The following SETD4 variants were observed in gnomAD, a reference collection of about 807,000 sequenced individuals.
SETD4 encodes SET domain containing 4.
Under a neutral mutation model 58.3 loss-of-function variants are expected in SETD4, and 46 were observed. The ratio of observed to expected loss-of-function variants is 0.79; its 90% confidence interval spans 0.62 to 1.01. The LOEUF (loss-of-function observed/expected upper bound fraction) is 1.01. Among genes scored for constraint, SETD4 ranks in the 50% least tolerant of loss-of-function variants. SETD4 has a pLI of 0.00. For missense variants in SETD4, 490 were observed against 523.3 expected (o/e 0.94, Z 0.62); for synonymous variants, 190 against 202.6 (o/e 0.94, Z 0.53).
At chr21:36,046,109 C>G in intron 5 of SETD4, 98 bp from the exon 6 acceptor site, 6 of 1,255,656 alleles carry the variant, frequency 4.8e-6, no homozygotes, top group Non-Finnish European at 6.6e-6. Flanking sequence ...TGTGTTCAAA[C>G]TGTCAACACA....
Position 36,058,856 on chromosome 21 carries a change from G to A in SETD4, c.33C>T (p.Ile11=). 6.2e-7 allele frequency: 1 copy of A among 1,602,742 alleles called. No homozygotes were observed. The highest frequency in any genetic ancestry group is 1.1e-5 in the South Asian group (1 of 87,290). Residue 11 remains isoleucine (I), a synonymous_variant, in exon 2 of 12, where the codon ATC becomes ATT. Transcript: ENST00000332131. MQKGKGRTSR[I]RRRKLCGSSE... is the part of the protein sequence containing the mutation. The stretch of plus-strand genomic sequence containing the variant: ...AACTTCCGCAGAGTTTTCGTCTTCT[G>A]ATCCGGCTTGTTCTCCCTTTTCCTT...
intron 8 of SETD4, 82 bp from the exon 9 acceptor site, chr21:36,040,737 C>A (rs1463063616): frequency 7.9e-7 from 1 of 1,263,462 alleles, no homozygotes; most frequent in Non-Finnish European, 1.2e-6. Flanking sequence ...GAGCCAAACA[C>A]CTTTTTAAAG....
Position 36,034,614 on chromosome 21 carries a change from TC to T in SETD4, c.*1378del, listed in dbSNP as rs1304705087. 5 of 152,124 alleles carry T rather than the reference TC, an allele frequency of 3.3e-5. No homozygotes were observed. The highest frequency in any genetic ancestry group is 4.8e-5 in the African/African-American group (2 of 41,398). 9.4% of individuals were successfully genotyped at this position (152,124 alleles called of 1,614,324 possible). ...GTGAAAAGGAATTAACATATTTAGGTCCACTCATAGGGAAGAGGAAAAAGAA... is the reference window on the plus strand; with the variant it reads ...GTGAAAAGGAATTAACATATTTAGGTCACTCATAGGGAAGAGGAAAAAGAA... On this transcript the variant is annotated 3_prime_UTR_variant, in exon 12 of 12. Coordinates refer to ENST00000332131, the MANE Select transcript of SETD4 (RefSeq NM_017438.5).
At chr21:36,050,890 G>T in intron 4 of SETD4, 1 of 1,610,748 alleles carries the variant, frequency 6.2e-7, no homozygotes, top group Admixed American at 1.7e-5. Flanking sequence ...ACAGATGGGA[G>T]AATGCAAAGC....
rs543692362 is a variant in SETD4 at position 36,051,248 on chromosome 21, A to C, written c.207+2335T>G. ...CAGCCAGCACTGCTGTTGACAACAT[A>C]AGTGCAAGTTCCAGCTCTGTTGACA... On this transcript the variant is annotated intron_variant, in intron 4 of 11. Transcript: ENST00000332131. 12 of 1,602,122 alleles carry C rather than the reference A, an allele frequency of 7.5e-6. No homozygotes were observed. In the East Asian group the frequency reaches 2.5e-4, roughly 33 times the overall value.
At chr21:36,050,728 C>A in intron 4 of SETD4, 1 of 1,612,468 alleles carries the variant, frequency 6.2e-7, no homozygotes, top group African/African-American at 1.3e-5. Context: ...GTTTTCTTGG[C>A]TCGAGATAAG....
Position 36,045,698 on chromosome 21 carries a change from C to G in SETD4, c.610G>C (p.Val204Leu), listed in dbSNP as rs751127123. ...YSALLWAWCT[V>L]NTRAVYLRPR... ...CTCAGGTACACGGCTCTGGTGTTGA[C>G]GGTGCACCAAGCCCACAGCAGGGCA... The change falls in exon 6 of 12, where the codon GTC (valine) becomes CTC (leucine). Residue 204 changes from valine (V) to leucine (L), a missense_variant. Val to Leu is a conservative substitution (Grantham distance 32). Coordinates refer to ENST00000332131, the MANE Select transcript of SETD4 (RefSeq NM_017438.5). The G allele has an allele frequency of 6.2e-7, 1 of 1,614,170 alleles. No homozygotes were observed. The highest frequency in any genetic ancestry group is 8.5e-7 in the Non-Finnish European group (1 of 1,180,020).
intron 7 of SETD4, chr21:36,043,564 A>G (rs1304458325): frequency 7.2e-7 from 1 of 1,384,046 alleles, no homozygotes; most frequent in East Asian, 2.7e-5. Flanking sequence ...ACCCAATGCA[A>G]TGAAAACTTC....
At chr21:36,057,732 T>TA (rs2065058018) in intron 2 of SETD4, among the ~76,000 whole-genome samples, 1 of 152,196 alleles carries the variant, frequency 6.6e-6, no homozygotes, top group African/African-American at 2.4e-5. Flanking sequence ...GTAATCAAAT[T>TA]AGTGTGATAT....
intron 9 of SETD4, among the ~76,000 whole-genome samples, chr21:36,039,091 A>C (rs2063920753): frequency 6.6e-6 from 1 of 152,188 alleles, no homozygotes. Flanking sequence ...ATAGTCTCAG[A>C]AGGCTTCAGT....
intron 5 of SETD4, among the ~76,000 whole-genome samples, chr21:36,046,556 G>C (rs905816195): frequency 2.1e-4 from 32 of 152,298 alleles, no homozygotes; most frequent in African/African-American, 7.5e-4. Flanking sequence ...AGAGCTAGTG[G>C]CCACCATACT....
rs906197061 is a variant in SETD4, at chr21:36,038,081, A to C, written c.1188+69T>G. On this transcript the variant is annotated intron_variant, in intron 10 of 11. Transcript: ENST00000332131. ...TCTTATGAAATGCACTATCCCTAAT[A>C]ACATGTACAAAACAAGGAACTGCTG... 4.6e-6 allele frequency: 7 copies of C among 1,526,822 alleles called. No homozygotes were observed. In the African/African-American group the frequency reaches 8.3e-5, roughly 18 times the overall value. 94.6% of individuals were successfully genotyped at this position (1,526,822 alleles called of 1,614,324 possible).
chr21:36,040,443 A>G lies in SETD4; in HGVS notation c.1064+132T>C, dbSNP rs891270511. ...GGGCAAGTTACATAATGAGAAAGCA[A>G]CTCCAATGTATGACATCCCTTTTTC... On this transcript the variant is annotated intron_variant, in intron 9 of 11. Transcript: ENST00000332131. 2.0e-5 allele frequency: 14 copies of G among 700,748 alleles called. No homozygotes were observed. In the African/African-American group the frequency reaches 2.3e-4, roughly 12 times the overall value. 43.4% of individuals were successfully genotyped at this position (700,748 alleles called of 1,614,324 possible).
At chr21:36,052,514 C>T (rs1450854494) in intron 4 of SETD4, among the ~76,000 whole-genome samples, 3 of 147,410 alleles carry the variant, frequency 2.0e-5, no homozygotes, top group Non-Finnish European at 3.0e-5. Flanking sequence ...GCCGAGATCG[C>T]GCCACTGCAC....
Position 36,034,625 on chromosome 21 carries a change from G to C in SETD4, c.*1368C>G, listed in dbSNP as rs1473690824. 6.6e-6 allele frequency: 1 copy of C among 152,210 alleles called. No homozygotes were observed. Among genetic ancestry groups the C allele is most frequent in the Non-Finnish European group, 1.5e-5 (1 of 68,046 alleles). The allele number at this position is 152,210 out of a possible 1,614,324, so 9.4% of individuals were successfully genotyped here. A position where few individuals can be genotyped will look rare whatever the true frequency, so the allele number is the denominator to read the frequency against. On this transcript the variant is annotated 3_prime_UTR_variant, in exon 12 of 12. Coordinates refer to ENST00000332131, the MANE Select transcript of SETD4 (RefSeq NM_017438.5). ...TTAACATATTTAGGTCCACTCATAGGGAAGAGGAAAAAGAAATTCTGGCAT... is the reference window on the plus strand; with the variant it reads ...TTAACATATTTAGGTCCACTCATAGCGAAGAGGAAAAAGAAATTCTGGCAT...
intron 1 of SETD4, chr21:36,059,918 C>T: frequency 2.0e-6 from 2 of 985,386 alleles, no homozygotes; most frequent in South Asian, 9.4e-5. Context: ...GGAAGTGTCC[C>T]CAAGACTCCC....
chr21:36,055,917 A>G (rs948084838), intron 3 of SETD4, among the ~76,000 whole-genome samples: 1 of 152,184 alleles, frequency 6.6e-6, no homozygotes, highest in Non-Finnish European at 1.5e-5. Flanking sequence ...CAGGCCTTAG[A>G]CACGGCAAGT....
At chr21:36,042,237 A>G (rs1290918501) in intron 7 of SETD4, 3 of 166,714 alleles carry the variant, frequency 1.8e-5, no homozygotes, top group African/African-American at 7.2e-5. Flanking sequence ...ACATGAGGAA[A>G]GGTTTACAAT....
chr21:36,045,505 C>T, intron 6 of SETD4, 77 bp downstream of exon 6: 17 of 1,537,928 alleles, frequency 1.1e-5, no homozygotes, highest in Non-Finnish European at 1.5e-5. Flanking sequence ...GTGCCACCCA[C>T]ATCTACAGCC....
Sources: allele counts gnomAD v4.1 joint callset (sites outside exome capture counted in the v4.1 genomes callset), GRCh38; gene constraint gnomAD v4.1.1; transcripts MANE v1.5; gene names NCBI Gene and HGNC (gene_info 2026-07-23, HGNC 2026-07-21).